Variants in ZBTB37 observed in about 807,000 individuals in gnomAD.
The protein encoded by ZBTB37 is zinc finger and BTB domain-containing protein 37.
Under a neutral mutation model 37.7 loss-of-function variants are expected in ZBTB37, and 15 were observed. That is an observed-to-expected ratio of 0.40 (90% CI 0.27 to 0.61). The LOEUF is 0.61. ZBTB37 is among the 20% of genes least tolerant of loss of function. ZBTB37 has a pLI of 0.44. For missense variants in ZBTB37, 514 were observed against 641.9 expected (o/e 0.80, Z 2.15); for synonymous variants, 231 against 220.6 (o/e 1.05, Z -0.42).
chr1:173,878,744 A>G (rs536890803), intron 4 of ZBTB37, among the ~76,000 whole-genome samples: 1 of 152,352 alleles, frequency 6.6e-6, no homozygotes, highest in South Asian at 2.1e-4. Context: ...ACTTTGACAT[A>G]AATTTCTTAC....
chr1:173,871,255 C>T, intron 3 of ZBTB37, 107 bp downstream of exon 3: 2 of 1,152,652 alleles, frequency 1.7e-6, no homozygotes. Flanking sequence ...TTTTCTTGGT[C>T]AAAATAAGTT....
chr1:173,881,824 G>A (rs528240687), intron 4 of ZBTB37, among the ~76,000 whole-genome samples: 1 of 152,244 alleles, frequency 6.6e-6, no homozygotes, highest in African/African-American at 2.4e-5. Flanking sequence ...GGAGGCCGAG[G>A]CGGGCGGATC....
rs754972391 is a variant in ZBTB37, at chr1:173,870,483, C to T, written c.258C>T (p.Phe86=). 26 of 1,614,094 alleles carry T rather than the reference C, an allele frequency of 1.6e-5. No homozygotes were observed. The East Asian group carries it at 5.6e-4, about 35-fold the overall frequency. ...CTGTTTTTGAACAGCTCCTTTCTTT[C>T]TGTTACACAGGGCGGATATGCCTGC... is the stretch of plus-strand genomic sequence containing the variant. Residue 86 remains phenylalanine (F), a synonymous_variant, in exon 3 of 5, where the codon TTC becomes TTT. Coordinates refer to ENST00000427304, the Ensembl canonical transcript of ZBTB37.
chr1:173,873,366 C>A, intron 3 of ZBTB37, 101 bp from the exon 4 acceptor site: 4 of 1,246,822 alleles, frequency 3.2e-6, no homozygotes, highest in Non-Finnish European at 4.3e-6. Flanking sequence ...TGGTTTGTTC[C>A]CCCTTCCTCA....
exon 3 of ZBTB37, chr1:173,870,300 G>A: frequency 6.2e-7 from 1 of 1,614,192 alleles, no homozygotes; most frequent in Non-Finnish European, 8.5e-7. Context: ...TAAACCAGTT[G>A]CGCATGCAGG....
intron 3 of ZBTB37, among the ~76,000 whole-genome samples, chr1:173,872,576 A>G (rs953022977): frequency 6.6e-6 from 1 of 152,042 alleles, no homozygotes; most frequent in African/African-American, 2.4e-5. Context: ...TTGTCCTCCT[A>G]TGTTAGAACT....
chr1:173,886,847 A>G (rs1656646729), downstream of ZBTB37: 1 of 152,202 alleles, frequency 6.6e-6, no homozygotes, highest in African/African-American at 2.4e-5. Context: ...GGGGGGCTTG[A>G]GTGTTGTGTT....
chr1:173,875,613 CA>C (rs967429453), intron 4 of ZBTB37, among the ~76,000 whole-genome samples: 3 of 151,928 alleles, frequency 2.0e-5, no homozygotes, highest in Non-Finnish European at 4.4e-5. Flanking sequence ...AGATGTGAGC[CA>C]CCGCGCCCGG....
chr1:173,873,538 T>C (rs775526664), exon 4 of ZBTB37: 5 of 1,613,946 alleles, frequency 3.1e-6, no homozygotes, highest in East Asian at 2.2e-5. Flanking sequence ...CCTGGGAGAA[T>C]GGATGAGCCT....
At chr1:173,893,199 AG>A (rs1656914549) in exon 4 of ZBTB37, 1 of 152,166 alleles carries the variant, frequency 6.6e-6, no homozygotes, top group South Asian at 2.1e-4. Context: ...CACTGCACCC[AG>A]CCCCATTTAA....
intron 4 of ZBTB37, among the ~76,000 whole-genome samples, chr1:173,879,087 A>G (rs1200954434): frequency 1.4e-5 from 2 of 147,884 alleles, no homozygotes; most frequent in Admixed American, 1.4e-4. Context: ...GCAAAACTCC[A>G]TCTCAAAAAA....
downstream of ZBTB37, chr1:173,888,173 T>C (rs956251161): frequency 6.6e-6 from 1 of 152,194 alleles, no homozygotes; most frequent in Non-Finnish European, 1.5e-5. Flanking sequence ...AAAAACTGTC[T>C]TCTAAAGCCA....
chr1:173,869,348 C>T (rs957607427), intron 2 of ZBTB37, among the ~76,000 whole-genome samples: 2 of 128,664 alleles, frequency 1.6e-5, no homozygotes, highest in Non-Finnish European at 3.0e-5. Context: ...ACTGTACTTT[C>T]AACTATCTTG....
At chr1:173,887,208 T>C (rs1447501402), downstream of ZBTB37, 1 of 152,224 alleles carries the variant, frequency 6.6e-6, no homozygotes, top group Non-Finnish European at 1.5e-5. Flanking sequence ...TTCAACACTA[T>C]GGTTCTTACT....
chr1:173,897,208 C>A (rs1657084263), exon 4 of ZBTB37: 1 of 152,038 alleles, frequency 6.6e-6, no homozygotes, highest in Non-Finnish European at 1.5e-5. Context: ...TCTACTGTGA[C>A]CTTGGTAGCA....
At chr1:173,871,611 A>C (rs568736241) in intron 3 of ZBTB37, among the ~76,000 whole-genome samples, 1 of 152,230 alleles carries the variant, frequency 6.6e-6, no homozygotes, top group Non-Finnish European at 1.5e-5. Flanking sequence ...GTATGGTACC[A>C]GCAGTAATTG....
At chr1:173,881,534 T>A (rs559515324) in intron 4 of ZBTB37, among the ~76,000 whole-genome samples, 133 of 152,292 alleles carry the variant, frequency 8.7e-4, no homozygotes, top group Middle Eastern at 6.8e-3. Flanking sequence ...TGCCACACTG[T>A]CTTCCACAAT....
chr1:173,881,510 G>A (rs1337342525), intron 4 of ZBTB37, among the ~76,000 whole-genome samples: 2 of 152,130 alleles, frequency 1.3e-5, no homozygotes, highest in Non-Finnish European at 2.9e-5. Context: ...TCTAGTTCTG[G>A]ATCCTTGAGG....
At chr1:173,890,042 T>A (rs1232034451), downstream of ZBTB37, 1 of 152,156 alleles carries the variant, frequency 6.6e-6, no homozygotes, top group Non-Finnish European at 1.5e-5. Context: ...TTTCTTTTTT[T>A]TCTTAAAGGC....
Sources: allele counts gnomAD v4.1 joint callset (sites outside exome capture counted in the v4.1 genomes callset), GRCh38; gene constraint gnomAD v4.1.1; transcripts MANE v1.5; gene names NCBI Gene and HGNC (gene_info 2026-07-23, HGNC 2026-07-21).